Variants in KTN1 observed in about 807,000 individuals in gnomAD.
KTN1 encodes the protein kinectin.
KTN1 carries 130 observed loss-of-function variants against 222.5 expected under a neutral mutation model. The ratio of observed to expected loss-of-function variants is 0.58; its 90% confidence interval spans 0.51 to 0.68. The LOEUF is 0.68. Among genes scored for constraint, KTN1 ranks in the 30% least tolerant of loss-of-function variants. The pLI, the probability that KTN1 is intolerant of heterozygous loss-of-function variation, is 0.00. For synonymous variants in KTN1, 512 were observed against 496.3 expected (o/e 1.03, Z -0.42); for missense variants, 1,508 against 1,500.4 (o/e 1.01, Z -0.08).
At chr14:55,673,093 T>C in intron 39 of KTN1, 79 bp from the exon 40 acceptor site, 4 of 1,500,456 alleles carry the variant, frequency 2.7e-6, no homozygotes, top group Non-Finnish European at 2.8e-6. Context: ...ATAAGTTGTT[T>C]GTGGCAGAGC....
chr14:55,650,263 T>A, intron 22 of KTN1, 65 bp from the exon 23 acceptor site: 1 of 999,142 alleles, frequency 1.0e-6, no homozygotes, highest in Non-Finnish European at 1.5e-6. Flanking sequence ...TATTTGGTGC[T>A]ATTTTTATAT....
At chr14:55,618,527 A>G (rs116086775) in intron 4 of KTN1, among the ~76,000 whole-genome samples, 103 of 152,248 alleles carry the variant, frequency 6.8e-4, no homozygotes, top group African/African-American at 2.5e-3. Flanking sequence ...GTACACAACT[A>G]CCTTTTAAAA....
intron 43 of KTN1, chr14:55,680,699 T>C: frequency 7.3e-7 from 1 of 1,366,824 alleles, no homozygotes; most frequent in Non-Finnish European, 9.8e-7. Flanking sequence ...GATCATCCTC[T>C]GGCCTACCTT....
At position 55,639,342 on chromosome 14, in the gene KTN1, T is replaced by G. The variant is rs532430568; in HGVS notation, c.1823+120T>G. 6.3e-5 allele frequency: 36 copies of G among 575,912 alleles called. No individual in the cohort carries two copies. In the African/African-American group the frequency reaches 6.6e-4, roughly 10 times the overall value. 35.7% of individuals were successfully genotyped at this position (575,912 alleles called of 1,614,324 possible). ...GACCTGTTCAGAAAATACTCTGAAC[T>G]AGATTTGGAGCAACTTTTGCTTTTT... On this transcript the variant is annotated intron_variant, in intron 13 of 43. Transcript: ENST00000395314.
In KTN1 at chr14:55,628,973, C is replaced by T. The variant is rs1390501115; in HGVS notation, c.1080+945C>T. ...AATTATGTAATATCTCAAATTTTGT[C>T]ATACAATTGCTTTAGAGCAGGAACA... On this transcript the variant is annotated intron_variant, in intron 6 of 43. Coordinates refer to ENST00000395314, the MANE Select transcript of KTN1 (RefSeq NM_001079521.2). 2.0e-5 allele frequency among the ~76,000 whole-genome samples: 3 copies of T among 152,154 alleles called. No individual in the cohort carries two copies. The East Asian group carries it at 5.8e-4, about 29-fold the overall frequency.
Position 55,641,681 on chromosome 14 carries a change from C to G in KTN1, c.2104-11C>G. ...CTTAATAAAACAGTAAATTGAGACT[C>G]TTTCTTCCAGATTCTAAATGACCAA... On this transcript the variant is annotated splice_polypyrimidine_tract_variant and intron_variant, in intron 17 of 43. Transcript: ENST00000395314. 7 of 1,549,226 alleles carry G rather than the reference C, an allele frequency of 4.5e-6. No individual in the cohort carries two copies. Among genetic ancestry groups the G allele is most frequent in the Non-Finnish European group, 6.2e-6 (7 of 1,121,614 alleles).
chr14:55,617,619 T>C (rs2038567534), intron 3 of KTN1, among the ~76,000 whole-genome samples: 1 of 152,202 alleles, frequency 6.6e-6, no homozygotes, highest in Non-Finnish European at 1.5e-5. Flanking sequence ...TAAAAACTAA[T>C]AGTTTTCCTT....
At chr14:55,606,853 G>A (rs1321890772) in intron 1 of KTN1, among the ~76,000 whole-genome samples, 2 of 151,978 alleles carry the variant, frequency 1.3e-5, no homozygotes, top group African/African-American at 4.8e-5. Flanking sequence ...CATTTTTTAG[G>A]TATCATCTAT....
intron 43 of KTN1, chr14:55,683,098 A>T (rs1369221769): frequency 6.6e-6 from 1 of 152,180 alleles, no homozygotes; most frequent in Non-Finnish European, 1.5e-5. Context: ...CTCTGGAGAA[A>T]AACTTATCTT....
intron 29 of KTN1, 152 bp from the exon 30 acceptor site, chr14:55,658,394 C>G (rs941268959): frequency 3.4e-6 from 2 of 592,118 alleles, no homozygotes; most frequent in African/African-American, 3.9e-5. Flanking sequence ...CTAATTTCAT[C>G]ATATGTTTTA....
At chr14:55,609,255 G>C (rs1490506555) in intron 1 of KTN1, among the ~76,000 whole-genome samples, 1 of 152,098 alleles carries the variant, frequency 6.6e-6, no homozygotes, top group Non-Finnish European at 1.5e-5. Context: ...GTGGTGTTTG[G>C]TGTTCTGTTC....
At chr14:55,677,126 C>T (rs1360310103) in intron 41 of KTN1, among the ~76,000 whole-genome samples, 1 of 152,116 alleles carries the variant, frequency 6.6e-6, no homozygotes, top group Non-Finnish European at 1.5e-5. Context: ...CATACCTATA[C>T]AGTAGAAATA....
chr14:55,653,669 AATG>A, intron 28 of KTN1, 73 bp downstream of exon 28: 1 of 1,119,184 alleles, frequency 8.9e-7, no homozygotes, highest in South Asian at 1.3e-5. Flanking sequence ...GCTTGAATAT[AATG>A]ATGAGTTTCC....
rs2046600558 is a variant in KTN1, at chr14:55,684,235, C to G, written c.*132C>G. 1 of 598,566 alleles carries G rather than the reference C, an allele frequency of 1.7e-6. No homozygotes were observed. The highest frequency in any genetic ancestry group is 3.8e-5 in the Admixed American group (1 of 26,614). The allele number at this position is 598,566 out of a possible 1,614,324, so 37.1% of individuals were successfully genotyped here. ...TGAACAGAGTTTTGTCTTTTCTAAT[C>G]CTTGTTAGACTACTGATTTAAAGAA... is the stretch of plus-strand genomic sequence containing the variant. On this transcript the variant is annotated 3_prime_UTR_variant, in exon 44 of 44. Coordinates refer to ENST00000395314, the MANE Select transcript of KTN1 (RefSeq NM_001079521.2).
chr14:55,607,938 C>T (rs919659971), intron 1 of KTN1, among the ~76,000 whole-genome samples: 4 of 152,140 alleles, frequency 2.6e-5, no homozygotes, highest in Non-Finnish European at 5.9e-5. Context: ...TGTGAAAACT[C>T]GGGTTGTGAG....
At chr14:55,678,273 C>G in intron 41 of KTN1, 79 bp from the exon 42 acceptor site, 1 of 905,174 alleles carries the variant, frequency 1.1e-6, no homozygotes, top group Non-Finnish European at 1.7e-6. Context: ...TTATCTTCTA[C>G]AAAATGAATA....
At chr14:55,637,938 A>G (rs1393588200) in intron 12 of KTN1, 91 bp downstream of exon 12, 1 of 906,212 alleles carries the variant, frequency 1.1e-6, no homozygotes, top group Non-Finnish European at 1.8e-6. Context: ...TACTGGATTA[A>G]TAGCTGGGAG....
At chr14:55,636,789 G>A (rs956428363) in intron 10 of KTN1, among the ~76,000 whole-genome samples, 1 of 151,586 alleles carries the variant, frequency 6.6e-6, no homozygotes, top group African/African-American at 2.4e-5. Flanking sequence ...GATCCTGGCT[G>A]TGTGTGTTTC....
intron 37 of KTN1, 148 bp downstream of exon 37, chr14:55,672,025 A>C: frequency 1.6e-6 from 1 of 617,994 alleles, no homozygotes. Flanking sequence ...CTGTGTTTTC[A>C]TGAGCCCTCC....
Sources: gnomAD v4.1 joint callset for allele counts (sites outside exome capture counted in the v4.1 genomes callset) on GRCh38, gnomAD v4.1.1 for gene constraint, MANE v1.5 for transcripts, NCBI Gene and HGNC (gene_info 2026-07-23, HGNC 2026-07-21) for gene names.